The following PCDH15 variants were observed in gnomAD, a reference collection of about 807,000 sequenced individuals.
PCDH15 encodes the protein protocadherin related 15.
Under a neutral mutation model 178.5 loss-of-function variants are expected in PCDH15, and 129 were observed. The observed-to-expected ratio is 0.72, with a 90% CI of 0.63 to 0.84. The LOEUF (loss-of-function observed/expected upper bound fraction) is 0.84. Ranked by LOEUF, PCDH15 falls within the 40% of genes least tolerant of loss-of-function variation. The pLI is 0.00. For missense variants in PCDH15, 2,230 were observed against 2,099.9 expected, an observed-to-expected ratio of 1.06 and a Z score of -1.21; for synonymous variants, 800 against 732.0, an observed-to-expected ratio of 1.09 and a Z score of -1.50.
At chr10:54,212,313 G>A (rs2051527947) in intron 10 of PCDH15, among the ~76,000 whole-genome samples, 1 of 152,084 alleles carries the variant, frequency 6.6e-6, no homozygotes, top group East Asian at 1.9e-4. Context: ...ACTGGTTAAA[G>A]TGGTGTTTTT....
intron 4 of PCDH15, among the ~76,000 whole-genome samples, chr10:54,376,303 C>T (rs370589443): frequency 6.6e-6 from 1 of 151,472 alleles, no homozygotes. Context: ...TTAAAAGAAA[C>T]TACAAATATT....
At chr10:55,209,672 A>G (rs1840507266) in intron 1 of PCDH15, among the ~76,000 whole-genome samples, 1 of 152,140 alleles carries the variant, frequency 6.6e-6, no homozygotes, top group Non-Finnish European at 1.5e-5. Flanking sequence ...ATTGATATAC[A>G]TAATGGTGGA....
intron 1 of PCDH15, among the ~76,000 whole-genome samples, chr10:55,260,489 T>C (rs1842120719): frequency 7.0e-6 from 1 of 143,260 alleles, no homozygotes; most frequent in African/African-American, 2.8e-5. Flanking sequence ...AACACAACTT[T>C]CAAATACTAA....
At chr10:53,898,770 C>G (rs1400414159) in intron 26 of PCDH15, among the ~76,000 whole-genome samples, 2 of 152,114 alleles carry the variant, frequency 1.3e-5, no homozygotes, top group Non-Finnish European at 2.9e-5. Flanking sequence ...GCAAAGGTAA[C>G]AGGACAGGCA....
At chr10:53,992,137 G>A (rs533739464) in intron 21 of PCDH15, among the ~76,000 whole-genome samples, 3 of 152,142 alleles carry the variant, frequency 2.0e-5, no homozygotes, top group African/African-American at 4.8e-5. Flanking sequence ...AGCAACTCTG[G>A]ACGGGAGGAA....
At chr10:54,792,643 A>T (rs1951533310) in intron 1 of PCDH15, among the ~76,000 whole-genome samples, 1 of 151,680 alleles carries the variant, frequency 6.6e-6, no homozygotes, top group Admixed American at 6.6e-5. Context: ...TCAGACTTGA[A>T]CTCAGACTGG....
chr10:53,952,024 C>T (rs2610916), intron 23 of PCDH15, among the ~76,000 whole-genome samples: 5 of 152,290 alleles, frequency 3.3e-5, no homozygotes, highest in East Asian at 1.9e-4. Context: ...ATGAGGAGAA[C>T]GTGGTGGCAC....
chr10:54,892,731 CT>C (rs565482831), intron 3 of PCDH15, among the ~76,000 whole-genome samples: 3,461 of 134,560 alleles, frequency 0.026, 116 homozygotes, highest in African/African-American at 0.083. Context: ...AATAATTTTT[CT>C]TTTTTTTTTT....
chr10:54,238,644 T>C (rs2054880945), intron 8 of PCDH15, among the ~76,000 whole-genome samples: 1 of 140,600 alleles, frequency 7.1e-6, no homozygotes. Context: ...TCACTGAACT[T>C]TTCCTCCCAT....
rs184452281 is a variant in PCDH15 at position 53,997,093 on chromosome 10, T to C, written c.2752-1328A>G. 5.9e-5 allele frequency among the ~76,000 whole-genome samples: 9 copies of C among 152,230 alleles called. No homozygotes were observed. The East Asian group carries it at 1.7e-3, about 29-fold the overall frequency. On this transcript the variant is annotated intron_variant, in intron 20 of 37. Transcript: ENST00000644397. ...AGAGTTGAGTTCTGAGTAGTCAATATGAATAAACCTGCATATTCTAATAGG... is the reference window on the plus strand; with the variant it reads ...AGAGTTGAGTTCTGAGTAGTCAATACGAATAAACCTGCATATTCTAATAGG...
At chr10:55,454,642 G>A (rs1042394029) in intron 2 of PCDH15, among the ~76,000 whole-genome samples, 30 of 147,584 alleles carry the variant, frequency 2.0e-4, no homozygotes, top group Middle Eastern at 3.5e-3. Flanking sequence ...AAAATTAGCC[G>A]GATGTGGTGG....
chr10:55,347,876 T>C (rs1269970456), intron 2 of PCDH15, among the ~76,000 whole-genome samples: 3 of 152,120 alleles, frequency 2.0e-5, no homozygotes, highest in African/African-American at 7.2e-5. Flanking sequence ...GTTATATTTC[T>C]TTTTATTTTT....
chr10:54,019,804 A>G (rs917950095), intron 20 of PCDH15, among the ~76,000 whole-genome samples: 2 of 152,010 alleles, frequency 1.3e-5, no homozygotes, highest in Admixed American at 1.3e-4. Context: ...AGGGCCTAAG[A>G]ACTCTTGGCC....
At chr10:55,228,468 T>C (rs569743761) in intron 1 of PCDH15, among the ~76,000 whole-genome samples, 1 of 152,172 alleles carries the variant, frequency 6.6e-6, no homozygotes, top group African/African-American at 2.4e-5. Flanking sequence ...TGTACATGTA[T>C]TGCATTGAAA....
At position 54,279,042 on chromosome 10, in the gene PCDH15, C is replaced by G. The variant is rs77001766; in HGVS notation, c.876+38229G>C. Among the ~76,000 whole-genome samples the G allele has an allele frequency of 3.6e-3, 551 of 151,620 alleles. 2 individuals carry two copies. Among genetic ancestry groups the G allele is most frequent in the African/African-American group, 0.013 (519 of 41,444 alleles). On this transcript the variant is annotated intron_variant, in intron 8 of 37. Transcript: ENST00000644397. ...AAATTGGACTTGCCTTTAAGCCCTC[C>G]TTTTTACATATATTCCTGTTATTGT...
intron 2 of PCDH15, among the ~76,000 whole-genome samples, chr10:55,538,395 TTTCTTC>T (rs1390229396): frequency 6.7e-5 from 9 of 134,308 alleles, no homozygotes; most frequent in African/African-American, 8.8e-5. Flanking sequence ...CCTTCCTTCC[TTTCTTC>T]CTTCCTTCCT....
In PCDH15 at chr10:55,188,827, C is replaced by G. The variant is rs368362695; in HGVS notation, c.-155-22176G>C. On this transcript the variant is annotated intron_variant, in intron 1 of 5. Transcript: ENST00000458638. ...CTTATTATTTCAATGTAAATATTTC[C>G]CCAGAATTGTTGTACCACATTACAT... is the stretch of plus-strand genomic sequence containing the variant. Among the ~76,000 whole-genome samples, 98 of 150,992 alleles carry G rather than the reference C, an allele frequency of 6.5e-4. 1 individual carries two copies. The South Asian group carries it at 0.02, about 31-fold the overall frequency.
At chr10:53,890,027 G>A (rs998213613) in intron 26 of PCDH15, among the ~76,000 whole-genome samples, 16 of 152,158 alleles carry the variant, frequency 1.1e-4, no homozygotes, top group Admixed American at 7.2e-4. Flanking sequence ...TTACACTACC[G>A]TGTTCACTTT....
At chr10:55,524,976 T>C (rs924188966) in intron 2 of PCDH15, among the ~76,000 whole-genome samples, 9 of 151,854 alleles carry the variant, frequency 5.9e-5, no homozygotes, top group African/African-American at 2.2e-4. Context: ...GTAGTAATTT[T>C]ATGTGAAATG....
Sources: gnomAD v4.1 joint callset for allele counts (sites outside exome capture counted in the v4.1 genomes callset) on GRCh38, gnomAD v4.1.1 for gene constraint, MANE v1.5 for transcripts, NCBI Gene and HGNC (gene_info 2026-07-23, HGNC 2026-07-21) for gene names.